PLBD1: variants seen among roughly 807,000 people sequenced by gnomAD.
PLBD1 encodes phospholipase B domain containing 1.
PLBD1 carries 60 observed loss-of-function variants against 63.0 expected under a neutral mutation model. The observed-to-expected ratio is 0.95, with a 90% confidence interval of 0.77 to 1.18. The LOEUF is 1.18. PLBD1 is among the 50% of genes most tolerant of loss of function. The pLI, the probability that PLBD1 is intolerant of heterozygous loss-of-function variation, is 0.00. For missense variants in PLBD1, 598 were observed against 677.9 expected, an observed-to-expected ratio of 0.88 and a Z score of 1.31; for synonymous variants, 262 against 248.0, an observed-to-expected ratio of 1.06 and a Z score of -0.53.
At chr12:14,532,291 G>T (rs980828155) in intron 6 of PLBD1, among the ~76,000 whole-genome samples, 5 of 152,192 alleles carry the variant, frequency 3.3e-5, no homozygotes, top group South Asian at 4.1e-4. Flanking sequence ...TTCTCAAAAG[G>T]CCTCAGAGGG....
chr12:14,561,043 G>A (rs1945739553), intron 1 of PLBD1, among the ~76,000 whole-genome samples: 1 of 151,784 alleles, frequency 6.6e-6, no homozygotes. Context: ...ACGCCCTGAG[G>A]TGGAAATTAA....
intron 8 of PLBD1, 92 bp downstream of exon 8, chr12:14,511,168 C>T: frequency 8.2e-7 from 1 of 1,220,754 alleles, no homozygotes; most frequent in East Asian, 2.6e-5. Flanking sequence ...ATACCCTCCC[C>T]CACCACACAT....
At chr12:14,565,822 G>C (rs1273915155) in intron 1 of PLBD1, among the ~76,000 whole-genome samples, 7 of 152,150 alleles carry the variant, frequency 4.6e-5, no homozygotes, top group African/African-American at 2.4e-5. Context: ...TTAACACCTA[G>C]GTAAGTAAGA....
At position 14,567,781 on chromosome 12, in the gene PLBD1, C is replaced by T; in HGVS notation, c.-85G>A. ...AGAAGTTGCAAGAGAGGCTCCTGGC[C>T]TACTCAGGGGCGCCGCCTCTCCGAG... On this transcript the variant is annotated 5_prime_UTR_variant, in exon 1 of 11. Coordinates refer to ENST00000240617, the MANE Select transcript of PLBD1 (RefSeq NM_024829.6). 2 of 1,362,870 alleles carry T rather than the reference C, an allele frequency of 1.5e-6. No homozygotes were observed. Among genetic ancestry groups the T allele is most frequent in the African/African-American group, 3.1e-5 (2 of 65,000 alleles). The allele number at this position is 1,362,870 out of a possible 1,614,324, so 84.4% of individuals were successfully genotyped here.
At chr12:14,510,472 G>A (rs951149660) in intron 8 of PLBD1, among the ~76,000 whole-genome samples, 2 of 152,194 alleles carry the variant, frequency 1.3e-5, no homozygotes, top group Non-Finnish European at 2.9e-5. Flanking sequence ...GTTCAGATCA[G>A]GTCATTTTCT....
Position 14,567,159 on chromosome 12 carries a change from G to C in PLBD1, c.115+423C>G, listed in dbSNP as rs570889422. On this transcript the variant is annotated intron_variant, in intron 1 of 10. Transcript: ENST00000240617. ...CCAGGCACGTATCAAACTGACAATC[G>C]TGCAATCGTGATTTTAAGCCAAAGT... is the stretch of plus-strand genomic sequence containing the variant. Among the ~76,000 whole-genome samples, 3 of 152,146 alleles carry C rather than the reference G, an allele frequency of 2.0e-5. No homozygotes were observed. In the East Asian group the frequency reaches 5.8e-4, roughly 29 times the overall value.
chr12:14,554,488 A>C (rs549145065), intron 1 of PLBD1, among the ~76,000 whole-genome samples: 1 of 152,212 alleles, frequency 6.6e-6, no homozygotes, highest in South Asian at 2.1e-4. Flanking sequence ...AATCATTACA[A>C]AGTTTAAAGT....
intron 2 of PLBD1, among the ~76,000 whole-genome samples, chr12:14,543,838 A>G (rs1183906265): frequency 1.3e-5 from 2 of 152,152 alleles, no homozygotes; most frequent in African/African-American, 2.4e-5. Context: ...CTACTATTAT[A>G]CTTGCTAAAG....
rs1434293568 is a variant in PLBD1 at position 14,545,985 on chromosome 12, T to G, written c.336-3694A>C. Among the ~76,000 whole-genome samples the G allele has an allele frequency of 5.3e-5, 8 of 152,124 alleles. No homozygotes were observed. The East Asian group carries it at 1.5e-3, about 29-fold the overall frequency. On this transcript the variant is annotated intron_variant, in intron 2 of 10. Coordinates refer to ENST00000240617, the MANE Select transcript of PLBD1 (RefSeq NM_024829.6). ...CAATAAAGCTAGACAAGTGTGTGGG[T>G]GACAAGAAAGGGATCCTCTGTCCTG...
intron 6 of PLBD1, among the ~76,000 whole-genome samples, chr12:14,527,316 C>T (rs1427836997): frequency 6.6e-6 from 1 of 151,992 alleles, no homozygotes; most frequent in Non-Finnish European, 1.5e-5. Context: ...ACAGGGTCAC[C>T]AACTGATCTC....
intron 5 of PLBD1, 100 bp downstream of exon 5, chr12:14,536,470 C>T: frequency 1.5e-6 from 2 of 1,308,512 alleles, no homozygotes; most frequent in Non-Finnish European, 2.1e-6. Context: ...AGCTGATATA[C>T]AGTTATAGCC....
rs1286664535 is a variant in PLBD1 at position 14,553,371 on chromosome 12, T to C, written c.157A>G (p.Thr53Ala). Residue 53 changes from threonine to alanine, a missense_variant, in exon 2 of 11, where the codon ACA becomes GCA. Transcript: ENST00000240617. ...TCCATTACATTTTTGACTTGTACTG[T>C]CTTTTCAGCAGGCATCCAGTATGCA... ...ATAYWMPAEKTVQVKNVMDKN... is the reference protein window; with the variant it reads ...ATAYWMPAEKAVQVKNVMDKN... The C allele has an allele frequency of 6.2e-7, 1 of 1,614,204 alleles. No homozygotes were observed. The highest frequency in any genetic ancestry group is 1.7e-5 in the Admixed American group (1 of 60,024).
At chr12:14,526,127 G>A (rs2136914042) in intron 6 of PLBD1, among the ~76,000 whole-genome samples, 1 of 152,236 alleles carries the variant, frequency 6.6e-6, no homozygotes, top group South Asian at 2.1e-4. Context: ...TAGTGAAATG[G>A]CAGACTTAAA....
intron 8 of PLBD1, among the ~76,000 whole-genome samples, chr12:14,508,948 T>G (rs1475907742): frequency 1.3e-5 from 2 of 152,098 alleles, no homozygotes; most frequent in Non-Finnish European, 2.9e-5. Flanking sequence ...AGGGCTTCTA[T>G]CACCATACCA....
At chr12:14,526,154 T>C (rs994003729) in intron 6 of PLBD1, among the ~76,000 whole-genome samples, 27 of 152,146 alleles carry the variant, frequency 1.8e-4, no homozygotes, top group African/African-American at 6.5e-4. Flanking sequence ...TATATAAATA[T>C]TTACAGTAAA....
At chr12:14,537,444 A>C (rs1395138760) in intron 4 of PLBD1, among the ~76,000 whole-genome samples, 2 of 152,248 alleles carry the variant, frequency 1.3e-5, no homozygotes, top group Admixed American at 1.3e-4. Flanking sequence ...AATATCTCCA[A>C]GACTTTGCCA....
intron 6 of PLBD1, among the ~76,000 whole-genome samples, chr12:14,513,983 G>A (rs997996790): frequency 6.6e-6 from 1 of 152,108 alleles, no homozygotes; most frequent in Non-Finnish European, 1.5e-5. Flanking sequence ...GTTTCGCCAT[G>A]TTAGCCAGGA....
chr12:14,554,982 A>G (rs1222384372), intron 1 of PLBD1, among the ~76,000 whole-genome samples: 1 of 152,060 alleles, frequency 6.6e-6, no homozygotes, highest in Non-Finnish European at 1.5e-5. Flanking sequence ...ATTTGAATCC[A>G]TCCTGGCTTC....
chr12:14,511,636 AAC>A lies in PLBD1; in HGVS notation c.918_919del (p.Phe307Ter). ...TACCTGCTTTAGCAGGGTTTTATTA[AAC>A]ACACTGTTTGTGGTCTGCAGCAATA... On this transcript the variant is annotated frameshift_variant, in exon 7 of 11. Transcript: ENST00000240617. LOFTEE classifies it high-confidence loss of function. The A allele has an allele frequency of 6.2e-7, 1 of 1,614,172 alleles. No individual in the cohort carries two copies. The highest frequency in any genetic ancestry group is 8.5e-7 in the Non-Finnish European group (1 of 1,180,020).
Sources: gnomAD v4.1 joint callset for allele counts (sites outside exome capture counted in the v4.1 genomes callset) on GRCh38, gnomAD v4.1.1 for gene constraint, MANE v1.5 for transcripts, NCBI Gene and HGNC (gene_info 2026-07-23, HGNC 2026-07-21) for gene names.